Variants in VPS35L observed in about 807,000 individuals in gnomAD.
VPS35L encodes VPS35 endosomal protein-sorting factor-like.
VPS35L carries 83 observed loss-of-function variants against 133.0 expected under a neutral mutation model. That is an observed-to-expected ratio of 0.62 (90% CI 0.52 to 0.75). The LOEUF is 0.75. Ranked by LOEUF, VPS35L falls within the 30% of genes least tolerant of loss-of-function variation. The pLI is 0.00. For synonymous variants in VPS35L, 423 were observed against 449.9 expected, an observed-to-expected ratio of 0.94 and a Z score of 0.76; for missense variants, 1,083 against 1,206.8, an observed-to-expected ratio of 0.90 and a Z score of 1.52.
At chr16:19,611,068 C>T (rs535951563) in intron 12 of VPS35L, among the ~76,000 whole-genome samples, 1 of 152,210 alleles carries the variant, frequency 6.6e-6, no homozygotes, top group African/African-American at 2.4e-5. Flanking sequence ...GGCGCCATCT[C>T]GGCTCATTTC....
intron 5 of VPS35L, among the ~76,000 whole-genome samples, chr16:19,576,442 G>C (rs145154541): frequency 0.023 from 3,478 of 152,282 alleles, 132 homozygotes; most frequent in African/African-American, 0.077. Flanking sequence ...CTGGACCAGG[G>C]TGTCTCAAAC....
At chr16:19,677,564 C>T (rs965268967) in intron 27 of VPS35L, among the ~76,000 whole-genome samples, 1 of 152,082 alleles carries the variant, frequency 6.6e-6, no homozygotes, top group Non-Finnish European at 1.5e-5. Flanking sequence ...GAGGACACAG[C>T]GTGGGTGAAA....
rs779947944 is a variant in VPS35L at position 19,626,187 on chromosome 16, C to G, written c.1235C>G (p.Thr412Ser). The G allele has an allele frequency of 1.9e-5, 31 of 1,596,618 alleles. 1 individual carries two copies. The highest frequency in any genetic ancestry group is 1.9e-4 in the South Asian group (17 of 89,608). ...TTTTTAACATAATAGGCTCTGCTGACCGAGATGATGGAAAGGTGTAAGAAA... is the reference window on the plus strand; with the variant it reads ...TTTTTAACATAATAGGCTCTGCTGAGCGAGATGATGGAAAGGTGTAAGAAA... ...ISYHAPEALL[T>S]EMMERCKKLG... The change falls in exon 15 of 31, where the codon ACC becomes AGC. Residue 412 changes from threonine (T) to serine (S), a missense_variant. Thr to Ser is a moderately conservative substitution (Grantham distance 58, BLOSUM62 1). Transcript: ENST00000417362.
intron 24 of VPS35L, among the ~76,000 whole-genome samples, chr16:19,648,559 G>A (rs2151584734): frequency 6.6e-6 from 1 of 152,164 alleles, no homozygotes; most frequent in South Asian, 2.1e-4. Flanking sequence ...ATTAATAACA[G>A]CCCTGTTTAT....
At chr16:19,676,385 G>T (rs901389474) in intron 27 of VPS35L, among the ~76,000 whole-genome samples, 18 of 152,354 alleles carry the variant, frequency 1.2e-4, no homozygotes, top group African/African-American at 3.8e-4. Flanking sequence ...TGCAGACAGA[G>T]AACTTTTTGG....
chr16:19,691,387 C>G lies in VPS35L; in HGVS notation c.2562C>G (p.Ser854=). 5.0e-6 allele frequency: 8 copies of G among 1,613,948 alleles called. No individual in the cohort carries two copies. Among genetic ancestry groups the G allele is most frequent in the Non-Finnish European group, 6.8e-6 (8 of 1,179,890 alleles). The change falls in exon 29 of 31, where the codon TCC becomes TCG. Residue 854 remains serine (S), a synonymous_variant. Transcript: ENST00000417362. ...DSNDSLYGGD[S]KFLAENNKLC... ...ACGACAGCCTCTACGGGGGAGACTC[C>G]AAGTTCCTGGCAGAAAACAACAAGC...
chr16:19,664,172 T>A (rs1665804233), intron 26 of VPS35L, among the ~76,000 whole-genome samples: 1 of 152,176 alleles, frequency 6.6e-6, no homozygotes, highest in Non-Finnish European at 1.5e-5. Context: ...CCCATATTTT[T>A]AGCAAGGACC....
chr16:19,594,509 T>C (rs142297150), intron 8 of VPS35L, among the ~76,000 whole-genome samples: 2,696 of 151,474 alleles, frequency 0.018, 72 homozygotes, highest in African/African-American at 0.061. Context: ...CCAGGCTTGG[T>C]GGCAGGCACC....
intron 26 of VPS35L, among the ~76,000 whole-genome samples, chr16:19,659,853 G>A (rs1234040191): frequency 6.6e-6 from 1 of 152,166 alleles, no homozygotes; most frequent in African/African-American, 2.4e-5. Context: ...TATTGATATT[G>A]TCAATCCAAA....
chr16:19,588,158 A>ATGTATGTAT (rs112439683), intron 7 of VPS35L, among the ~76,000 whole-genome samples: 1 of 147,462 alleles, frequency 6.8e-6, no homozygotes, highest in African/African-American at 2.5e-5. Context: ...GGGTAATATA[A>ATGTATGTAT]GTATGTATGT....
At chr16:19,591,955 T>C (rs1343956197) in intron 8 of VPS35L, 81 bp downstream of exon 8, 2 of 1,128,656 alleles carry the variant, frequency 1.8e-6, no homozygotes, top group East Asian at 2.3e-5. Flanking sequence ...TACTGTAAAT[T>C]AGGTTCTGCT....
Position 19,633,022 on chromosome 16 carries a change from TC to T in VPS35L, c.1555-65del. 1 of 1,190,250 alleles carries T rather than the reference TC, an allele frequency of 8.4e-7. No individual in the cohort carries two copies. Among genetic ancestry groups the T allele is most frequent in the Non-Finnish European group, 1.3e-6 (1 of 796,340 alleles). 73.7% of individuals were successfully genotyped at this position (1,190,250 alleles called of 1,614,324 possible). Reference sequence around the variant, plus strand: ...ATATATTCTGAATACGTTAGTCCTTTCCCCCAGGAACATGGTCAGCAGTTGC... The same window carrying T: ...ATATATTCTGAATACGTTAGTCCTTTCCCCAGGAACATGGTCAGCAGTTGC... On this transcript the variant is annotated intron_variant, in intron 18 of 30. Coordinates refer to ENST00000417362, the MANE Select transcript of VPS35L (RefSeq NM_020314.7). The surrounding 1 kb of genome is among the most constrained non-coding windows in gnomAD (Gnocchi z 4.1).
In VPS35L at chr16:19,633,260, A is replaced by T; in HGVS notation, c.1635+88A>T. On this transcript the variant is annotated intron_variant, in intron 19 of 30. Transcript: ENST00000417362. The surrounding 1 kb of genome is among the most constrained non-coding windows in gnomAD (Gnocchi z 4.1). ...GCGTGTTGTATGGGTCAGGCTATAA[A>T]GGCACATAATCCTGTGTTTGAATCA... 8.6e-7 allele frequency: 1 copy of T among 1,168,094 alleles called. No individual in the cohort carries two copies. The highest frequency in any genetic ancestry group is 2.3e-5 in the East Asian group (1 of 42,656). The allele number at this position is 1,168,094 out of a possible 1,614,324, so 72.4% of individuals were successfully genotyped here. A position where few individuals can be genotyped will look rare whatever the true frequency, so the allele number is the denominator to read the frequency against.
In VPS35L at chr16:19,628,820, C is replaced by A. The variant is rs926742650; in HGVS notation, c.1500+67C>A. 30 of 718,228 alleles carry A rather than the reference C, an allele frequency of 4.2e-5. 1 individual carries two copies. In the African/African-American group the frequency reaches 5.7e-4, roughly 14 times the overall value. The allele number at this position is 718,228 out of a possible 1,614,324, so 44.5% of individuals were successfully genotyped here. ...TTATTTATTTATTTTGAGATGAAGT[C>A]TTGCTCTGTCGCCCAGGCTAGAGTG... On this transcript the variant is annotated intron_variant, in intron 17 of 30. Transcript: ENST00000417362.
chr16:19,572,382 C>T (rs1971410969), intron 3 of VPS35L, among the ~76,000 whole-genome samples: 1 of 152,186 alleles, frequency 6.6e-6, no homozygotes, highest in African/African-American at 2.4e-5. Flanking sequence ...CACGTCACTG[C>T]ACTCCAGCCT....
At chr16:19,685,808 G>T (rs1025771473) in intron 28 of VPS35L, among the ~76,000 whole-genome samples, 4 of 152,072 alleles carry the variant, frequency 2.6e-5, no homozygotes, top group Non-Finnish European at 4.4e-5. Context: ...GAACATTGAA[G>T]GCTCTGAACA....
intron 28 of VPS35L, among the ~76,000 whole-genome samples, chr16:19,687,064 C>T (rs1303271679): frequency 6.6e-6 from 1 of 152,186 alleles, no homozygotes; most frequent in Non-Finnish European, 1.5e-5. Flanking sequence ...CAGACTGTGA[C>T]CTCTGTGTCT....
intron 3 of VPS35L, among the ~76,000 whole-genome samples, chr16:19,571,471 C>T: frequency 6.6e-6 from 1 of 152,120 alleles, no homozygotes. Context: ...CCTGCCTTGG[C>T]CTACCAGAGT....
chr16:19,572,980 AT>A (rs1425947070), intron 3 of VPS35L, 138 bp from the exon 4 acceptor site: 79 of 1,030,496 alleles, frequency 7.7e-5, no homozygotes, highest in Non-Finnish European at 8.1e-5. Flanking sequence ...TGGCGCTGTA[AT>A]TTTTTTTATG....
Sources: gnomAD v4.1 joint callset for allele counts (sites outside exome capture counted in the v4.1 genomes callset) on GRCh38, gnomAD v4.1.1 for gene constraint, Gnocchi (gnomAD v3.1) non-coding constraint, MANE v1.5 for transcripts, NCBI Gene and HGNC (gene_info 2026-07-23, HGNC 2026-07-21) for gene names.